The following PDE7A variants were observed in gnomAD, a reference collection of about 807,000 sequenced individuals.
The protein encoded by PDE7A is phosphodiesterase 7A.
Under a neutral mutation model 64.3 loss-of-function variants are expected in PDE7A, and 39 were observed. That is an observed-to-expected ratio of 0.61 (90% CI 0.47 to 0.79). The LOEUF is 0.79. PDE7A is among the 30% of genes least tolerant of loss of function. PDE7A has a pLI of 0.00. For synonymous variants in PDE7A, 203 were observed against 206.8 expected, an observed-to-expected ratio of 0.98 and a Z score of 0.16; for missense variants, 470 against 582.8, an observed-to-expected ratio of 0.81 and a Z score of 1.99.
At chr8:65,739,829 G>GA (rs570861510) in intron 5 of PDE7A, among the ~76,000 whole-genome samples, 61 of 152,174 alleles carry the variant, frequency 4.0e-4, no homozygotes, top group Middle Eastern at 3.4e-3. Context: ...CCAAAGAACT[G>GA]AAAACTAGAC....
At chr8:65,839,296 C>G (rs569175429) in intron 1 of PDE7A, among the ~76,000 whole-genome samples, 3 of 151,248 alleles carry the variant, frequency 2.0e-5, no homozygotes, top group Non-Finnish European at 2.9e-5. Flanking sequence ...AACTTCTGTA[C>G]CTTCAGGCTT....
chr8:65,731,440 T>A (rs924634584), intron 7 of PDE7A: 3 of 152,324 alleles, frequency 2.0e-5, no homozygotes, highest in Admixed American at 1.3e-4. Context: ...AGACTTAGTT[T>A]AAGTATAGTT....
At chr8:65,720,441 A>G (rs1375743926) in intron 12 of PDE7A, 1 of 154,200 alleles carries the variant, frequency 6.5e-6, no homozygotes, top group Non-Finnish European at 1.5e-5. Context: ...GACCACAGAC[A>G]ACATAGGTTC....
intron 1 of PDE7A, among the ~76,000 whole-genome samples, chr8:65,822,551 T>C (rs779643786): frequency 3.9e-5 from 6 of 152,210 alleles, no homozygotes. Context: ...AAATAAACAG[T>C]ATCCACTCTT....
chr8:65,803,982 A>G (rs1810054123), intron 1 of PDE7A, among the ~76,000 whole-genome samples: 1 of 152,184 alleles, frequency 6.6e-6, no homozygotes, highest in Non-Finnish European at 1.5e-5. Flanking sequence ...TAGAAAAAAT[A>G]TGCATCATTC....
At chr8:65,789,010 T>C in intron 1 of PDE7A, 3 of 1,591,170 alleles carry the variant, frequency 1.9e-6, no homozygotes, top group Non-Finnish European at 2.6e-6. Flanking sequence ...TTCTTAGGAG[T>C]CTGATAAATA....
intron 3 of PDE7A, among the ~76,000 whole-genome samples, chr8:65,773,888 A>G (rs565985165): frequency 2.3e-4 from 35 of 152,190 alleles, no homozygotes; most frequent in Admixed American, 1.5e-3. Flanking sequence ...AAATTCAGTG[A>G]ATGTTAGGGG....
At chr8:65,744,127 C>T (rs927159098) in intron 5 of PDE7A, among the ~76,000 whole-genome samples, 1 of 152,140 alleles carries the variant, frequency 6.6e-6, no homozygotes, top group South Asian at 2.1e-4. Context: ...GCCACCACGC[C>T]CAGCCTAGCT....
At chr8:65,758,250 A>G (rs1808328360) in intron 3 of PDE7A, among the ~76,000 whole-genome samples, 1 of 152,192 alleles carries the variant, frequency 6.6e-6, no homozygotes, top group Non-Finnish European at 1.5e-5. Context: ...GTGAAGGCAC[A>G]ACCCACCCCC....
intron 1 of PDE7A, among the ~76,000 whole-genome samples, chr8:65,829,822 G>C (rs1259589804): frequency 6.6e-6 from 1 of 152,002 alleles, no homozygotes; most frequent in Non-Finnish European, 1.5e-5. Context: ...GATGAATAAG[G>C]TATTATTTCT....
At chr8:65,786,960 T>TTGAATTG in intron 1 of PDE7A, among the ~76,000 whole-genome samples, 1 of 152,310 alleles carries the variant, frequency 6.6e-6, no homozygotes, top group Non-Finnish European at 1.5e-5. Flanking sequence ...AAGACTCACC[T>TTGAATTG]TGAATTAGGG....
rs775065280 is a variant in PDE7A, at chr8:65,734,831, A to G, written c.659T>C (p.Val220Ala). Residue 220 changes from valine to alanine, a missense_variant, in exon 7 of 13, where the codon GTT (valine) becomes GCT (alanine). Val to Ala is a moderately conservative substitution (Grantham distance 64). Coordinates refer to ENST00000401827, the MANE Select transcript of PDE7A (RefSeq NM_001242318.3). ...PYHNAVHAAD[V>A]TQAMHCYLKE... ...TAAGTAACAGTGCATGGCCTGAGTAACATCCGCAGCGTGGACTGCGTTATG... is the reference window on the plus strand; with the variant it reads ...TAAGTAACAGTGCATGGCCTGAGTAGCATCCGCAGCGTGGACTGCGTTATG... 1 of 1,611,240 alleles carries G rather than the reference A, an allele frequency of 6.2e-7. No individual in the cohort carries two copies. Among genetic ancestry groups the G allele is most frequent in the Non-Finnish European group, 8.5e-7 (1 of 1,177,376 alleles).
chr8:65,794,684 T>C (rs1473147916), intron 1 of PDE7A, among the ~76,000 whole-genome samples: 1 of 152,162 alleles, frequency 6.6e-6, no homozygotes, highest in African/African-American at 2.4e-5. Flanking sequence ...CATCTCCACA[T>C]ATAACATTGC....
chr8:65,838,494 G>C (rs2128935845), intron 1 of PDE7A: 1 of 152,200 alleles, frequency 6.6e-6, no homozygotes, highest in South Asian at 2.1e-4. Context: ...TGGAAGAGCT[G>C]GTGTTCCATC....
chr8:65,811,146 A>G (rs1246942915), intron 1 of PDE7A, among the ~76,000 whole-genome samples: 1 of 152,180 alleles, frequency 6.6e-6, no homozygotes, highest in East Asian at 1.9e-4. Flanking sequence ...AGTGGAGAAA[A>G]AAAGGAGGAA....
intron 3 of PDE7A, among the ~76,000 whole-genome samples, chr8:65,777,305 C>T (rs1269509585): frequency 6.6e-6 from 1 of 151,898 alleles, no homozygotes; most frequent in Non-Finnish European, 1.5e-5. Flanking sequence ...TCTCGAACTC[C>T]CGACCTCAGA....
intron 7 of PDE7A, among the ~76,000 whole-genome samples, chr8:65,732,187 C>T (rs1443220534): frequency 5.9e-5 from 9 of 151,514 alleles, no homozygotes; most frequent in South Asian, 2.1e-4. Flanking sequence ...TTAGTAGAGA[C>T]GGGGTTTCAC....
At chr8:65,798,206 A>ATATATATATATATATATTT in intron 1 of PDE7A, among the ~76,000 whole-genome samples, 10 of 73,796 alleles carry the variant, frequency 1.4e-4, no homozygotes, top group Middle Eastern at 5.9e-3. Context: ...ATATATATAT[A>ATATATATATATATATATTT]TTTTTTTTTT....
In PDE7A at chr8:65,771,794, G is replaced by A. The variant is rs1254846948; in HGVS notation, c.283+7926C>T. ...GGAGGCTGAGGCAGGAGAATCGCTTGAACCTGGAAGGTGGAGGCTGCAGTG... is the reference window on the plus strand; with the variant it reads ...GGAGGCTGAGGCAGGAGAATCGCTTAAACCTGGAAGGTGGAGGCTGCAGTG... On this transcript the variant is annotated intron_variant, in intron 3 of 12. Coordinates refer to ENST00000401827, the MANE Select transcript of PDE7A (RefSeq NM_001242318.3). Among the ~76,000 whole-genome samples the A allele has an allele frequency of 2.1e-5, 3 of 145,920 alleles. No individual in the cohort carries two copies. The East Asian group carries it at 6.1e-4, about 30-fold the overall frequency.
Sources: gnomAD v4.1 joint callset for allele counts (sites outside exome capture counted in the v4.1 genomes callset) on GRCh38, gnomAD v4.1.1 for gene constraint, MANE v1.5 for transcripts, NCBI Gene and HGNC (gene_info 2026-07-23, HGNC 2026-07-21) for gene names.